Variants in ERC2 observed in about 807,000 individuals in gnomAD.
ERC2 encodes ERC protein 2.
A neutral mutation model predicts 114.8 loss-of-function variants in ERC2; 42 were observed. That is an observed-to-expected ratio of 0.37 (90% CI 0.29 to 0.47). The LOEUF is 0.47. Ranked by LOEUF, ERC2 falls within the 20% of genes least tolerant of loss-of-function variation. The pLI is 0.99. For missense variants in ERC2, 939 were observed against 1,150.7 expected (o/e 0.82, Z 2.66); for synonymous variants, 454 against 425.5 (o/e 1.07, Z -0.82).
At chr3:55,613,974 C>A in intron 17 of ERC2, among the ~76,000 whole-genome samples, 1 of 95,058 alleles carries the variant, frequency 1.1e-5, no homozygotes, top group African/African-American at 4.4e-5. Context: ...CAGAGTGAGA[C>A]TTCCTCTCAA....
intron 3 of ERC2, among the ~76,000 whole-genome samples, chr3:56,203,455 A>G (rs1453507149): frequency 2.0e-5 from 3 of 152,216 alleles, no homozygotes; most frequent in Non-Finnish European, 4.4e-5. Flanking sequence ...CCCAATTATT[A>G]AGTTATCGTA....
intron 8 of ERC2, among the ~76,000 whole-genome samples, chr3:56,013,611 T>A (rs990009693): frequency 3.3e-5 from 5 of 152,182 alleles, no homozygotes; most frequent in African/African-American, 1.2e-4. Flanking sequence ...TAATTAATGA[T>A]GTCTCTCTAG....
intron 17 of ERC2, among the ~76,000 whole-genome samples, chr3:55,656,881 T>C (rs1184750094): frequency 6.6e-6 from 1 of 151,956 alleles, no homozygotes; most frequent in African/African-American, 2.4e-5. Flanking sequence ...GTAGAAGGGG[T>C]CACGATGAAG....
In ERC2 at chr3:56,196,974, C is replaced by T. The variant is rs551018303; in HGVS notation, c.1075-23454G>A. ...GTCATATTTCACAATAGTATTTTCACAGTGTCTGCAGAGTCCGTGTTTATA... is the reference window on the plus strand; with the variant it reads ...GTCATATTTCACAATAGTATTTTCATAGTGTCTGCAGAGTCCGTGTTTATA... On this transcript the variant is annotated intron_variant, in intron 3 of 17. Coordinates refer to ENST00000288221, the MANE Select transcript of ERC2 (RefSeq NM_015576.3). Among the ~76,000 whole-genome samples the T allele has an allele frequency of 7.2e-5, 11 of 152,154 alleles. No homozygotes were observed. In the South Asian group the frequency reaches 2.3e-3, roughly 32 times the overall value.
chr3:56,438,561 T>C (rs1448065295), intron 1 of ERC2, among the ~76,000 whole-genome samples: 2 of 151,482 alleles, frequency 1.3e-5, no homozygotes, highest in African/African-American at 4.9e-5. Context: ...TATACTTTTT[T>C]CATTAAAAAA....
chr3:55,647,888 G>C (rs1203515269), intron 17 of ERC2, among the ~76,000 whole-genome samples: 1 of 152,220 alleles, frequency 6.6e-6, no homozygotes, highest in African/African-American at 2.4e-5. Context: ...TGCTGCAGCC[G>C]CCTCGCCCTG....
rs2066292729 is a variant in ERC2 at position 55,746,253 on chromosome 3, A to T, written c.2565-11335T>A. On this transcript the variant is annotated intron_variant, in intron 14 of 17. Transcript: ENST00000288221. ...TTCTGTGGAGTGGATTTTTTTTTTT[A>T]AATGAAGTCTTGCTCTGTCACCCAG... 2.0e-5 allele frequency among the ~76,000 whole-genome samples: 3 copies of T among 151,636 alleles called. No individual in the cohort carries two copies. The South Asian group carries it at 6.3e-4, about 32-fold the overall frequency.
At chr3:55,980,800 T>C (rs985398850) in intron 12 of ERC2, among the ~76,000 whole-genome samples, 3 of 152,250 alleles carry the variant, frequency 2.0e-5, no homozygotes, top group Non-Finnish European at 2.9e-5. Flanking sequence ...TGGTATCTCT[T>C]ATTCTGGGTC....
At chr3:56,285,231 A>G (rs1490118864) in intron 3 of ERC2, among the ~76,000 whole-genome samples, 2 of 151,702 alleles carry the variant, frequency 1.3e-5, no homozygotes, top group East Asian at 1.9e-4. Flanking sequence ...TGGGGCTAGG[A>G]GTTACTGTCC....
chr3:56,210,409 T>C (rs1446131487), intron 3 of ERC2, among the ~76,000 whole-genome samples: 1 of 152,246 alleles, frequency 6.6e-6, no homozygotes, highest in Non-Finnish European at 1.5e-5. Flanking sequence ...AATTTAATTA[T>C]TGCCTGATGG....
intron 10 of ERC2, among the ~76,000 whole-genome samples, chr3:55,994,304 A>C (rs1976791): frequency 2.6e-5 from 4 of 151,832 alleles, no homozygotes; most frequent in African/African-American, 9.7e-5. Flanking sequence ...TCCTGATGCT[A>C]ATTTTTAAAA....
At chr3:55,577,252 C>A (rs2057031659) in intron 17 of ERC2, among the ~76,000 whole-genome samples, 1 of 150,806 alleles carries the variant, frequency 6.6e-6, no homozygotes, top group South Asian at 2.1e-4. Flanking sequence ...TAAATTCCAC[C>A]CACCTTCCCT....
intron 3 of ERC2, among the ~76,000 whole-genome samples, chr3:56,271,089 A>C (rs1051277692): frequency 6.6e-6 from 1 of 152,222 alleles, no homozygotes; most frequent in African/African-American, 2.4e-5. Flanking sequence ...CTCTCATTCA[A>C]ACTGTTCAAA....
intron 7 of ERC2, among the ~76,000 whole-genome samples, chr3:56,043,359 A>G (rs2075296632): frequency 6.6e-6 from 1 of 152,178 alleles, no homozygotes; most frequent in African/African-American, 2.4e-5. Context: ...AGAATTTTTT[A>G]TGGCACTAAT....
At chr3:55,586,793 T>G (rs974166485) in intron 17 of ERC2, among the ~76,000 whole-genome samples, 4 of 152,240 alleles carry the variant, frequency 2.6e-5, no homozygotes, top group African/African-American at 7.2e-5. Flanking sequence ...TCTGAAATAT[T>G]TCAAATATGG....
At chr3:56,354,279 C>A (rs1373083527) in intron 2 of ERC2, among the ~76,000 whole-genome samples, 1 of 152,248 alleles carries the variant, frequency 6.6e-6, no homozygotes, top group East Asian at 1.9e-4. Context: ...CGCAGAGCCT[C>A]ACAGCCCTTC....
Position 56,440,765 on chromosome 3 carries a change from T to C in ERC2, c.-140-5618A>G, listed in dbSNP as rs1006937354. On this transcript the variant is annotated intron_variant, in intron 1 of 17. Transcript: ENST00000288221. ...TATAAAGACTATGTAAATCAAACTA[T>C]ATAAAGACTATATATAAGTCTTGTA... 5.3e-5 allele frequency among the ~76,000 whole-genome samples: 8 copies of C among 152,222 alleles called. No individual in the cohort carries two copies. In the East Asian group the frequency reaches 1.3e-3, roughly 26 times the overall value.
intron 17 of ERC2, among the ~76,000 whole-genome samples, chr3:55,680,854 T>C (rs1419052495): frequency 2.0e-5 from 3 of 152,106 alleles, no homozygotes; most frequent in Admixed American, 6.5e-5. Flanking sequence ...AAGCAGAATA[T>C]AGGAATATAT....
chr3:56,286,856 AT>A (rs1459564828), intron 3 of ERC2, among the ~76,000 whole-genome samples: 2 of 151,802 alleles, frequency 1.3e-5, no homozygotes, highest in African/African-American at 4.8e-5. Flanking sequence ...AGTCTTTGTA[AT>A]TTTTACTCAT....
Sources: allele counts gnomAD v4.1 joint callset (sites outside exome capture counted in the v4.1 genomes callset), GRCh38; gene constraint gnomAD v4.1.1; transcripts MANE v1.5; gene names NCBI Gene and HGNC (gene_info 2026-07-23, HGNC 2026-07-21).